Variants in GLRX observed in about 807,000 individuals in gnomAD.
The protein encoded by GLRX is glutaredoxin.
Under a neutral mutation model 11.1 loss-of-function variants are expected in GLRX, and 9 were observed. The ratio of observed to expected loss-of-function variants is 0.81; its 90% CI spans 0.49 to 1.42. GLRX has a LOEUF of 1.42. GLRX is among the 40% of genes most tolerant of loss of function. The pLI is 0.00. For missense variants in GLRX, 102 were observed against 126.2 expected (o/e 0.81, Z 0.92); for synonymous variants, 49 against 49.5 (o/e 0.99, Z 0.04).
In GLRX at chr5:95,819,856, G is replaced by C. The variant is rs188606602; in HGVS notation, c.207+2600C>G. 5.2e-4 allele frequency among the ~76,000 whole-genome samples: 63 copies of C among 120,568 alleles called. 1 individual carries two copies. Among genetic ancestry groups the C allele is most frequent in the Admixed American group, 4.6e-3 (40 of 8,732 alleles). 79.1% of individuals were successfully genotyped at this position (120,568 alleles called of 152,430 possible). A position where few individuals can be genotyped will look rare whatever the true frequency, so the allele number is the denominator to read the frequency against. On this transcript the variant is annotated intron_variant, in intron 1 of 2. Transcript: ENST00000237858. The stretch of plus-strand genomic sequence containing the variant: ...GGAGCTTGCAGTGAGCTGAGATTGC[G>C]CCATTGCACTCCAGCCTGGGCACAG...
At position 95,822,537 on chromosome 5, in the gene GLRX, A is replaced by G. The variant is rs753924088; in HGVS notation, c.126T>C (p.Leu42=). 6.2e-7 allele frequency: 1 copy of G among 1,613,844 alleles called. No homozygotes were observed. Among genetic ancestry groups the G allele is most frequent in the Non-Finnish European group, 8.5e-7 (1 of 1,179,772 alleles). ...TGGCTGTGATATCGACAAATTCCAGAAGCCCTTGTTTGATGGGCAATTGAC... is the reference window on the plus strand; with the variant it reads ...TGGCTGTGATATCGACAAATTCCAGGAGCCCTTGTTTGATGGGCAATTGAC... ...ILSQLPIKQG[L]LEFVDITATN... The change falls in exon 1 of 3, where the codon CTT becomes CTC. Residue 42 remains leucine, a synonymous_variant. Transcript: ENST00000237858.
At chr5:95,816,749 A>G (rs1482786727) in intron 1 of GLRX, 123 bp from the exon 2 acceptor site, 2 of 640,018 alleles carry the variant, frequency 3.1e-6, no homozygotes, top group Non-Finnish European at 5.8e-6. Flanking sequence ...CTCCTTATGT[A>G]TATGCTCACA....
chr5:95,821,303 C>G (rs779568595), intron 1 of GLRX, among the ~76,000 whole-genome samples: 2 of 152,086 alleles, frequency 1.3e-5, no homozygotes, highest in Admixed American at 1.3e-4. Flanking sequence ...TTTGCACTGC[C>G]CTTTACACCT....
rs1000142234 is a variant in GLRX, at chr5:95,816,335, A to G, written c.*6+172T>C. ...GAGTGAAAGGATTTCTCTCATTGAC[A>G]CGATCTCTTTGTAAAGTGTGAAATT... is the stretch of plus-strand genomic sequence containing the variant. On this transcript the variant is annotated intron_variant, in intron 2 of 2. Transcript: ENST00000237858. 1.1e-5 allele frequency: 6 copies of G among 552,072 alleles called. No homozygotes were observed. The African/African-American group carries it at 1.1e-4, about 10-fold the overall frequency. The allele number at this position is 552,072 out of a possible 1,614,324, so 34.2% of individuals were successfully genotyped here.
At chr5:95,820,718 A>T (rs1210002501) in intron 1 of GLRX, among the ~76,000 whole-genome samples, 1 of 151,514 alleles carries the variant, frequency 6.6e-6, no homozygotes, top group African/African-American at 2.4e-5. Flanking sequence ...CAATTGTTAA[A>T]TGAACACATG....
At chr5:95,819,743 C>G (rs1418294244) in intron 1 of GLRX, among the ~76,000 whole-genome samples, 1 of 151,802 alleles carries the variant, frequency 6.6e-6, no homozygotes, top group Non-Finnish European at 1.5e-5. Flanking sequence ...ACTAAACATA[C>G]AAAAAATTAG....
intron 2 of GLRX, among the ~76,000 whole-genome samples, chr5:95,815,483 C>A (rs1269624226): frequency 6.6e-6 from 1 of 152,218 alleles, no homozygotes; most frequent in Non-Finnish European, 1.5e-5. Context: ...ATACTCATTG[C>A]CCAAGAAATG....
intron 2 of GLRX, among the ~76,000 whole-genome samples, chr5:95,815,648 G>T (rs1746964445): frequency 6.6e-6 from 1 of 152,240 alleles, no homozygotes; most frequent in African/African-American, 2.4e-5. Flanking sequence ...CTGTGCTGGG[G>T]AACTGGGGGA....
chr5:95,819,911 A>C (rs1580447882), intron 1 of GLRX, among the ~76,000 whole-genome samples: 1 of 151,176 alleles, frequency 6.6e-6, no homozygotes, highest in Non-Finnish European at 1.5e-5. Flanking sequence ...AAAAAAAAAA[A>C]AAAAAAAAAA....
rs191590423 is a variant in GLRX at position 95,822,684 on chromosome 5, C to T, written c.-22G>A. On this transcript the variant is annotated 5_prime_UTR_variant, in exon 1 of 3. Transcript: ENST00000237858. ...CCATGCCGATGGGCTGCGGTCTCCC[C>T]GGGAAGAATCCTCAGTTGCAGGTAT... The T allele has an allele frequency of 5.1e-4, 823 of 1,604,098 alleles. 3 individuals are homozygous for T. Among genetic ancestry groups the T allele is most frequent in the Non-Finnish European group, 3.5e-4 (409 of 1,171,452 alleles).
intron 1 of GLRX, 177 bp from the exon 2 acceptor site, chr5:95,816,803 C>T (rs976130599): frequency 1.5e-4 from 74 of 502,496 alleles, no homozygotes; most frequent in African/African-American, 1.2e-3. Flanking sequence ...ATTATTAACT[C>T]GAGAATGTTT....
chr5:95,814,870 T>G (rs1746927857), intron 2 of GLRX: 1 of 160,282 alleles, frequency 6.2e-6, no homozygotes, highest in Non-Finnish European at 1.5e-5. Flanking sequence ...AAAAGCTGTT[T>G]GTGCCCCCAA....
At chr5:95,815,325 C>T (rs947039016) in intron 2 of GLRX, among the ~76,000 whole-genome samples, 16 of 152,188 alleles carry the variant, frequency 1.1e-4, no homozygotes, top group Non-Finnish European at 2.1e-4. Flanking sequence ...CTCAGACAGA[C>T]ATAGGGTGCA....
chr5:95,817,369 G>A (rs1278663182), intron 1 of GLRX: 3 of 152,740 alleles, frequency 2.0e-5, no homozygotes, highest in South Asian at 2.1e-4. Flanking sequence ...AAGCTGTGAT[G>A]GTGCCATTGC....
intron 2 of GLRX, 33 bp downstream of exon 2, chr5:95,816,474 T>C (rs1220085844): frequency 2.0e-6 from 2 of 993,784 alleles, no homozygotes; most frequent in Non-Finnish European, 3.3e-6. Context: ...CGGTCTCCCA[T>C]GTTCCTGGCC....
At chr5:95,821,265 G>A (rs926885824) in intron 1 of GLRX, among the ~76,000 whole-genome samples, 2 of 152,284 alleles carry the variant, frequency 1.3e-5, no homozygotes, top group African/African-American at 4.8e-5. Context: ...TCCTCAGGGT[G>A]GCAGCCACAG....
intron 1 of GLRX, 67 bp from the exon 2 acceptor site, chr5:95,816,693 A>C (rs1747012372): frequency 2.4e-6 from 2 of 844,218 alleles, no homozygotes; most frequent in Non-Finnish European, 4.1e-6. Flanking sequence ...CTATCCTACC[A>C]CTAAATATTT....
chr5:95,821,453 T>C (rs1295392258), intron 1 of GLRX, among the ~76,000 whole-genome samples: 2 of 104,816 alleles, frequency 1.9e-5, no homozygotes, highest in Non-Finnish European at 3.9e-5. Flanking sequence ...AAATGCTGAC[T>C]TCTTATTAGA....
At chr5:95,819,927 C>T (rs1229731792) in intron 1 of GLRX, among the ~76,000 whole-genome samples, 1 of 141,834 alleles carries the variant, frequency 7.1e-6, no homozygotes, top group Non-Finnish European at 1.5e-5. Flanking sequence ...AAAAAACCCT[C>T]GGGAGCTTTC....
Sources: gnomAD v4.1 joint callset for allele counts (sites outside exome capture counted in the v4.1 genomes callset) on GRCh38, gnomAD v4.1.1 for gene constraint, MANE v1.5 for transcripts, NCBI Gene and HGNC (gene_info 2026-07-23, HGNC 2026-07-21) for gene names.